RYR2: variants seen among roughly 807,000 people sequenced by gnomAD.
RYR2 encodes the protein ryanodine receptor 2.
In RYR2, 227 loss-of-function variants were observed where a neutral mutation model predicts 601.1. The ratio of observed to expected loss-of-function variants is 0.38; its 90% CI spans 0.34 to 0.42. RYR2 has a LOEUF of 0.42. Among genes scored for constraint, RYR2 ranks in the 10% least tolerant of loss-of-function variants. RYR2 has a pLI of 1.00. For synonymous variants in RYR2, 2,223 were observed against 2,175.1 expected (o/e 1.02, Z -0.61); for missense variants, 4,646 against 6,156.5 (o/e 0.75, Z 8.21).
intron 1 of RYR2, among the ~76,000 whole-genome samples, chr1:237,122,581 C>T (rs1396405054): frequency 6.6e-6 from 1 of 152,164 alleles, no homozygotes; most frequent in Non-Finnish European, 1.5e-5. Context: ...ACTTGGGAGG[C>T]TGAGGCACAA....
chr1:237,311,019 C>G (rs908898562), intron 2 of RYR2, among the ~76,000 whole-genome samples: 1 of 152,156 alleles, frequency 6.6e-6, no homozygotes. Flanking sequence ...GATGAAGTTA[C>G]TAGATGGTGA....
At chr1:237,235,833 G>A (rs1387013008) in intron 1 of RYR2, among the ~76,000 whole-genome samples, 2 of 152,156 alleles carry the variant, frequency 1.3e-5, no homozygotes, top group African/African-American at 4.8e-5. Context: ...TGCAGATGTG[G>A]CATCATTTAA....
intron 14 of RYR2, among the ~76,000 whole-genome samples, chr1:237,447,068 G>A (rs1009403912): frequency 4.1e-4 from 62 of 152,028 alleles, no homozygotes; most frequent in African/African-American, 1.4e-3. Flanking sequence ...TGAAATTGTC[G>A]ATTTTATATT....
chr1:237,148,395 C>G (rs1028894804), intron 1 of RYR2, among the ~76,000 whole-genome samples: 2 of 151,410 alleles, frequency 1.3e-5, no homozygotes, highest in Non-Finnish European at 2.9e-5. Context: ...GGACAAATAC[C>G]TAATGCATGT....
intron 2 of RYR2, among the ~76,000 whole-genome samples, chr1:237,309,449 T>C (rs1252027151): frequency 6.6e-6 from 1 of 152,222 alleles, no homozygotes; most frequent in African/African-American, 2.4e-5. Context: ...GGAGCACTGA[T>C]AGGTGCATTT....
chr1:237,175,382 T>C (rs2148924914), intron 1 of RYR2, among the ~76,000 whole-genome samples: 1 of 152,344 alleles, frequency 6.6e-6, no homozygotes, highest in South Asian at 2.1e-4. Flanking sequence ...GCCAGTCTTC[T>C]GGAAGTGTTT....
intron 1 of RYR2, among the ~76,000 whole-genome samples, chr1:237,153,131 G>T (rs1406671498): frequency 6.6e-6 from 1 of 152,180 alleles, no homozygotes; most frequent in Non-Finnish European, 1.5e-5. Context: ...GGATGCTCTT[G>T]CATGGGTGAG....
At chr1:237,530,586 A>G (rs1038235838) in intron 25 of RYR2, 76 bp downstream of exon 25, 2 of 1,105,494 alleles carry the variant, frequency 1.8e-6, no homozygotes, top group East Asian at 5.2e-5. Context: ...TGATGGACAC[A>G]CAGATGCCTT....
chr1:237,454,125 T>C lies in RYR2; in HGVS notation c.1293-266T>C, dbSNP rs4512636. Among the ~76,000 whole-genome samples, 79,218 of 151,522 alleles carry C rather than the reference T, an allele frequency of 0.52. 22,172 individuals carry two copies. The highest frequency in any genetic ancestry group is 0.8 in the East Asian group (4,075 of 5,124). ...ACTGGTTTCTGAACATTCCTACTATTGGTTTTGTAGACACTGTTCCTGTAG... is the reference window on the plus strand; with the variant it reads ...ACTGGTTTCTGAACATTCCTACTATCGGTTTTGTAGACACTGTTCCTGTAG... On this transcript the variant is annotated intron_variant, in intron 14 of 104. Transcript: ENST00000366574.
rs553780502 is a variant in RYR2 at position 237,407,717 on chromosome 1, C to T, written c.774-9332C>T. Among the ~76,000 whole-genome samples the T allele has an allele frequency of 1.5e-4, 22 of 151,130 alleles. 1 individual carries two copies. Among genetic ancestry groups the T allele is most frequent in the Middle Eastern group, 3.4e-3 (1 of 294 alleles). On this transcript the variant is annotated intron_variant, in intron 10 of 104. Coordinates refer to ENST00000366574, the MANE Select transcript of RYR2 (RefSeq NM_001035.3). ...CTGGAAGCTCAATCTCCTGGGTTCA[C>T]GCCATTCTCCTGCCTCAGCCTCCAG...
In RYR2 at chr1:237,555,598, C is replaced by T. The variant is rs190190584; in HGVS notation, c.3214+4907C>T. ...ATTACCTGTTTTCCTTCCGCTCCCC[C>T]ACTCTGCTTAATATCAAACATTTTG... On this transcript the variant is annotated intron_variant, in intron 27 of 104. Coordinates refer to ENST00000366574, the MANE Select transcript of RYR2 (RefSeq NM_001035.3). 8.5e-5 allele frequency among the ~76,000 whole-genome samples: 13 copies of T among 152,206 alleles called. No individual in the cohort carries two copies. The East Asian group carries it at 2.1e-3, about 25-fold the overall frequency.
At chr1:237,606,190 A>C (rs1243113602) in intron 35 of RYR2, among the ~76,000 whole-genome samples, 4 of 152,108 alleles carry the variant, frequency 2.6e-5, no homozygotes, top group Non-Finnish European at 5.9e-5. Context: ...ACAGTAACCA[A>C]AACAGCATGG....
At chr1:237,150,232 A>G (rs1674559761) in intron 1 of RYR2, among the ~76,000 whole-genome samples, 1 of 152,206 alleles carries the variant, frequency 6.6e-6, no homozygotes, top group South Asian at 2.1e-4. Flanking sequence ...CTGACTTCAG[A>G]GGTCACAGTC....
intron 98 of RYR2, among the ~76,000 whole-genome samples, chr1:237,803,010 C>T (rs1234297645): frequency 6.6e-6 from 1 of 152,194 alleles, no homozygotes; most frequent in Non-Finnish European, 1.5e-5. Context: ...AACATGCATT[C>T]ATTCTTCACT....
intron 101 of RYR2, among the ~76,000 whole-genome samples, chr1:237,827,877 C>A (rs1178949723): frequency 1.6e-5 from 2 of 125,432 alleles, no homozygotes; most frequent in Non-Finnish European, 3.1e-5. Flanking sequence ...GCGGAGCTTG[C>A]AGTGAGCCGA....
chr1:237,785,972 C>CAGAAGGCAAAAGAAGAAGAAAAGG lies in RYR2; in HGVS notation c.13266_13289dup (p.Lys4423_Glu4430dup). 1.3e-6 allele frequency: 2 copies of CAGAAGGCAAAAGAAGAAGAAAAGG among 1,590,508 alleles called. No individual in the cohort carries two copies. The highest frequency in any genetic ancestry group is 4.5e-5 in the East Asian group (2 of 44,250). On this transcript the variant is annotated inframe_insertion, in exon 91 of 105. Coordinates refer to ENST00000366574, the MANE Select transcript of RYR2 (RefSeq NM_001035.3). Reference sequence around the variant, plus strand: ...TTTCCCCATTGACTCATTCAAGGAACAGAAGGCAAAAGAAGAAGAAAAGGA... The same window carrying CAGAAGGCAAAAGAAGAAGAAAAGG: ...TTTCCCCATTGACTCATTCAAGGAACAGAAGGCAAAAGAAGAAGAAAAGGAGAAGGCAAAAGAAGAAGAAAAGGA...
At chr1:237,776,190 G>GCTGACA (rs929098823) in intron 87 of RYR2, among the ~76,000 whole-genome samples, 1 of 152,112 alleles carries the variant, frequency 6.6e-6, no homozygotes, top group Non-Finnish European at 1.5e-5. Flanking sequence ...GGAATACCAA[G>GCTGACA]CTGACACTGA....
chr1:237,378,675 A>T (rs1029805971), intron 8 of RYR2, among the ~76,000 whole-genome samples: 1 of 152,232 alleles, frequency 6.6e-6, no homozygotes, highest in African/African-American at 2.4e-5. Flanking sequence ...GTTTAGGATT[A>T]AGTAAGTAGT....
At chr1:237,066,700 G>C (rs562489029) in intron 1 of RYR2, among the ~76,000 whole-genome samples, 55 of 151,488 alleles carry the variant, frequency 3.6e-4, no homozygotes, top group African/African-American at 1.3e-3. Context: ...GGGGTGCAGT[G>C]GTGCAATCTC....
Sources: allele counts gnomAD v4.1 joint callset (sites outside exome capture counted in the v4.1 genomes callset), GRCh38; gene constraint gnomAD v4.1.1; transcripts MANE v1.5; gene names NCBI Gene and HGNC (gene_info 2026-07-23, HGNC 2026-07-21).